TSGA10: variants seen among roughly 807,000 people sequenced by gnomAD.
TSGA10 encodes testis specific 10.
TSGA10 carries 43 observed loss-of-function variants against 96.6 expected under a neutral mutation model. That is an observed-to-expected ratio of 0.44 (90% CI 0.35 to 0.57). The LOEUF (loss-of-function observed/expected upper bound fraction) is 0.57, where lower values mean the gene tolerates loss of function less well. Ranked by LOEUF, TSGA10 falls within the 20% of genes least tolerant of loss-of-function variation. The pLI, the probability that TSGA10 is intolerant of heterozygous loss-of-function variation, is 0.01. For synonymous variants in TSGA10, 229 were observed against 269.9 expected, an observed-to-expected ratio of 0.85 and a Z score of 1.48; for missense variants, 703 against 834.4, an observed-to-expected ratio of 0.84 and a Z score of 1.94.
At chr2:98,998,324 AT>A in intron 20 of TSGA10, 103 bp from the exon 21 acceptor site, 1 of 911,696 alleles carries the variant, frequency 1.1e-6, no homozygotes, top group Non-Finnish European at 1.7e-6. Context: ...AAAACGTAAG[AT>A]TTTTCTTCAT....
At chr2:99,110,335 CATTT>C (rs1437076073) in intron 5 of TSGA10, among the ~76,000 whole-genome samples, 1 of 152,154 alleles carries the variant, frequency 6.6e-6, no homozygotes, top group East Asian at 1.9e-4. Context: ...TCTTTGACAA[CATTT>C]ATTTAACAAT....
intron 16 of TSGA10, among the ~76,000 whole-genome samples, chr2:99,044,136 C>A (rs1343126350): frequency 6.6e-6 from 1 of 152,086 alleles, no homozygotes; most frequent in African/African-American, 2.4e-5. Flanking sequence ...GGCAAAATAA[C>A]CAGGTAGCAT....
At chr2:99,135,331 C>G (rs776537974) in intron 1 of TSGA10, among the ~76,000 whole-genome samples, 2 of 152,194 alleles carry the variant, frequency 1.3e-5, no homozygotes, top group African/African-American at 4.8e-5. Context: ...CTTAGCCAAG[C>G]TGTGGTGAGC....
At chr2:99,117,079 T>C (rs1009243727) in intron 4 of TSGA10, 2 of 152,230 alleles carry the variant, frequency 1.3e-5, no homozygotes, top group African/African-American at 4.8e-5. Flanking sequence ...GATACCTCTG[T>C]GACATACTGA....
At chr2:99,145,384 C>A (rs995012657) in intron 1 of TSGA10, among the ~76,000 whole-genome samples, 3 of 151,896 alleles carry the variant, frequency 2.0e-5, no homozygotes, top group African/African-American at 7.3e-5. Flanking sequence ...ATGGCAAAAC[C>A]CTGTCTCTCC....
intron 9 of TSGA10, 151 bp downstream of exon 9, chr2:99,105,208 A>C (rs2091217853): frequency 1.7e-6 from 1 of 580,354 alleles, no homozygotes; most frequent in Non-Finnish European, 2.7e-6. Flanking sequence ...AAAAAGTGAC[A>C]ATTTACACTA....
chr2:99,063,996 G>A (rs148322221), intron 16 of TSGA10, among the ~76,000 whole-genome samples: 1,632 of 152,200 alleles, frequency 0.011, 9 homozygotes, highest in Middle Eastern at 0.027. Context: ...GGAAAAAATT[G>A]TCTGACAATA....
intron 16 of TSGA10, among the ~76,000 whole-genome samples, chr2:99,041,532 G>T (rs6735801): frequency 0.43 from 65,992 of 151,946 alleles, 16,995 homozygotes; most frequent in African/African-American, 0.72. Context: ...AAGCCAAAAC[G>T]TACAGCCAAG....
chr2:99,075,421 T>C (rs114243094), intron 12 of TSGA10, among the ~76,000 whole-genome samples: 1 of 152,282 alleles, frequency 6.6e-6, no homozygotes, highest in Non-Finnish European at 1.5e-5. Context: ...ATCTATGAAG[T>C]TGCCATTGAG....
intron 7 of TSGA10, among the ~76,000 whole-genome samples, chr2:99,108,369 AG>A (rs2091526599): frequency 6.6e-6 from 1 of 152,144 alleles, no homozygotes; most frequent in South Asian, 2.1e-4. Context: ...GGGTTAAAGA[AG>A]GTATTTGATT....
intron 7 of TSGA10, 58 bp from the exon 8 acceptor site, chr2:99,105,755 A>C: frequency 6.9e-7 from 1 of 1,446,602 alleles, no homozygotes; most frequent in Non-Finnish European, 9.3e-7. Flanking sequence ...AAACATAAAA[A>C]ATTTTATGTA....
At chr2:99,109,602 TAGC>T (rs2091638667) in intron 5 of TSGA10, 90 bp from the exon 6 acceptor site, 2 of 1,067,500 alleles carry the variant, frequency 1.9e-6, no homozygotes, top group Non-Finnish European at 2.4e-6. Flanking sequence ...AGCTAAACTA[TAGC>T]ATCATTTTCT....
chr2:99,047,474 C>A (rs1406775192), intron 16 of TSGA10, among the ~76,000 whole-genome samples: 1 of 152,098 alleles, frequency 6.6e-6, no homozygotes, highest in Admixed American at 6.6e-5. Context: ...AGACAAAAAC[C>A]ACATGATTAT....
intron 17 of TSGA10, among the ~76,000 whole-genome samples, chr2:99,021,162 G>T (rs911412450): frequency 6.6e-6 from 1 of 151,630 alleles, no homozygotes; most frequent in African/African-American, 2.4e-5. Context: ...AATTCTATAT[G>T]CATTTAAAAG....
intron 1 of TSGA10, chr2:99,141,269 C>T (rs1280522794): frequency 8.1e-6 from 6 of 736,294 alleles, no homozygotes; most frequent in Non-Finnish European, 7.2e-6. Flanking sequence ...GGAGGAAGGA[C>T]GGAGCCCGCG....
rs1418805355 is a variant in TSGA10, at chr2:99,110,178, C to A, written c.-73-666G>T. Reference sequence around the variant, plus strand: ...AGACTCCATCTCAAAAGAAGAAAAACACATGCTACTACTAAAGCAACTGTT... The same window carrying A: ...AGACTCCATCTCAAAAGAAGAAAAAAACATGCTACTACTAAAGCAACTGTT... On this transcript the variant is annotated intron_variant, in intron 5 of 20. Coordinates refer to ENST00000393483, the MANE Select transcript of TSGA10 (RefSeq NM_025244.4). 2.6e-5 allele frequency among the ~76,000 whole-genome samples: 4 copies of A among 152,230 alleles called. No homozygotes were observed. In the East Asian group the frequency reaches 7.7e-4, roughly 29 times the overall value.
intron 17 of TSGA10, among the ~76,000 whole-genome samples, chr2:99,033,883 A>G (rs1436511318): frequency 6.6e-6 from 1 of 152,144 alleles, no homozygotes; most frequent in Non-Finnish European, 1.5e-5. Context: ...GCAACGAGTG[A>G]ACACTGGGAT....
chr2:99,018,861 T>G (rs138164859), intron 18 of TSGA10, among the ~76,000 whole-genome samples: 61 of 152,308 alleles, frequency 4.0e-4, no homozygotes, highest in African/African-American at 1.4e-3. Flanking sequence ...CAGTCCCATT[T>G]AATTAGTTAA....
intron 14 of TSGA10, among the ~76,000 whole-genome samples, chr2:99,069,515 T>C (rs569337237): frequency 1.3e-5 from 2 of 152,012 alleles, no homozygotes; most frequent in Non-Finnish European, 2.9e-5. Context: ...TTTACATTTT[T>C]TTAATTTAAA....
Sources: gnomAD v4.1 joint callset for allele counts (sites outside exome capture counted in the v4.1 genomes callset) on GRCh38, gnomAD v4.1.1 for gene constraint, MANE v1.5 for transcripts, NCBI Gene and HGNC (gene_info 2026-07-23, HGNC 2026-07-21) for gene names.